FUS: variants seen among roughly 807,000 people sequenced by gnomAD.
FUS encodes the protein FUS RNA binding protein.
Under a neutral mutation model 82.7 loss-of-function variants are expected in FUS, and 5 were observed. The observed-to-expected ratio is 0.06, with a 90% CI of 0.03 to 0.13. The LOEUF is 0.13. Among genes scored for constraint, FUS ranks in the 10% least tolerant of loss-of-function variants. FUS has a pLI of 1.00. For missense variants in FUS, 512 were observed against 707.8 expected, an observed-to-expected ratio of 0.72 and a Z score of 3.14; for synonymous variants, 281 against 247.4, an observed-to-expected ratio of 1.14 and a Z score of -1.27.
chr16:31,194,357 C>T (rs1228503399), downstream of FUS: 13 of 518,476 alleles, frequency 2.5e-5, no homozygotes, highest in Admixed American at 9.0e-5. Flanking sequence ...GGTGTGATCT[C>T]GACCAACTGC....
chr16:31,187,693 T>G (rs908376544), intron 7 of FUS: 1 of 234,008 alleles, frequency 4.3e-6, no homozygotes, highest in African/African-American at 2.2e-5. Context: ...TAAACATTGG[T>G]CAAAGATGGT....
chr16:31,184,088 C>A, intron 4 of FUS, 86 bp downstream of exon 4: 1 of 1,612,162 alleles, frequency 6.2e-7, no homozygotes, highest in South Asian at 1.1e-5. Context: ...AGGAGCAGTT[C>A]AGAGGTGTAA....
At chr16:31,182,195 T>G (rs1386158227) in intron 1 of FUS, 3 of 629,860 alleles carry the variant, frequency 4.8e-6, no homozygotes, top group Non-Finnish European at 8.6e-6. Flanking sequence ...TTCACCATGT[T>G]GGTCAGGCCA....
Position 31,191,445 on chromosome 16 carries a change from T to C in FUS, c.*7T>C, listed in dbSNP as rs2079359046. ...CAGGGAGAGGCCGTATTAATTAGCC[T>C]GGCTCCCCAGGTTCTGGAACAGCTT... On this transcript the variant is annotated 3_prime_UTR_variant, in exon 15 of 15. Coordinates refer to ENST00000254108, the MANE Select transcript of FUS (RefSeq NM_004960.4). 1 of 1,613,376 alleles carries C rather than the reference T, an allele frequency of 6.2e-7. No individual in the cohort carries two copies. Among genetic ancestry groups the C allele is most frequent in the Non-Finnish European group, 8.5e-7 (1 of 1,179,842 alleles).
At chr16:31,184,897 CTT>C (rs2079240147) in intron 5 of FUS, 40 bp from the exon 6 acceptor site, 6 of 1,584,282 alleles carry the variant, frequency 3.8e-6, no homozygotes, top group African/African-American at 1.4e-5. Context: ...ACTTTACAAT[CTT>C]TTTGTTTTTT....
chr16:31,182,217 C>T (rs765794213), intron 1 of FUS, 181 bp from the exon 2 acceptor site: 3 of 704,514 alleles, frequency 4.3e-6, no homozygotes, highest in Non-Finnish European at 7.7e-6. Flanking sequence ...TCTCGAATTC[C>T]TGACCTCAAG....
downstream of FUS, chr16:31,193,667 T>G (rs1357225286): frequency 3.8e-6 from 2 of 531,878 alleles, no homozygotes; most frequent in Admixed American, 2.2e-5. Flanking sequence ...TAGGTCCAGT[T>G]TGGGGGGATC....
chr16:31,194,772 G>A (rs956483751), downstream of FUS: 1 of 482,106 alleles, frequency 2.1e-6, no homozygotes, highest in African/African-American at 2.0e-5. Flanking sequence ...TGAAATTTAT[G>A]TTATTTCAGC....
At position 31,190,393 on chromosome 16, in the gene FUS, T is replaced by G; in HGVS notation, c.1287T>G (p.Pro429=). The G allele has an allele frequency of 6.2e-7, 1 of 1,614,196 alleles. No homozygotes were observed. Among genetic ancestry groups the G allele is most frequent in the East Asian group, 2.2e-5 (1 of 44,888 alleles). ...GQQRAGDWKC[P]NPTCENMNFS... ...AGCGAGCTGGTGACTGGAAGTGTCC[T>G]AATCCGTGAGTGAAACTTAATTTTT... The change falls in exon 12 of 15, where the codon CCT becomes CCG. Residue 429 remains proline (P), a synonymous_variant. Transcript: ENST00000254108.
rs1415220872 is a variant in FUS, at chr16:31,188,346, G to A, written c.821G>A (p.Arg274His). The change falls in exon 8 of 15, where the codon CGT becomes CAT. Residue 274 changes from arginine (R) to histidine (H), a missense_variant. Around this residue, in one of 6 missense-constraint regions of FUS, gnomAD observed 51 missense variants for 72.2 expected, o/e 0.71. Coordinates refer to ENST00000254108, the MANE Select transcript of FUS (RefSeq NM_004960.4). ...AAAGGCCCTCGGGACCAAGGATCAC[G>A]TCATGACTCCGGTGAGTTCACACGT... Reference protein sequence around the residue: ...KFGGPRDQGSRHDSEQDNSDN... With the variant: ...KFGGPRDQGSHHDSEQDNSDN... The A allele has an allele frequency of 2.1e-5, 34 of 1,613,124 alleles. No individual in the cohort carries two copies. The highest frequency in any genetic ancestry group is 6.7e-5 in the Admixed American group (4 of 59,922).
chr16:31,189,636 T>C lies in FUS; in HGVS notation c.937-29T>C, dbSNP rs368342528. On this transcript the variant is annotated intron_variant, in intron 9 of 14. Coordinates refer to ENST00000254108, the MANE Select transcript of FUS (RefSeq NM_004960.4). ...AAAGGGAGTACTGTAGCCTTTAAAA[T>C]TGATGTTACCTCATTTTGCTTTCTT... is the stretch of plus-strand genomic sequence containing the variant. The C allele has an allele frequency of 6.2e-6, 10 of 1,613,910 alleles. 1 individual carries two copies. The highest frequency in any genetic ancestry group is 5.5e-5 in the South Asian group (5 of 91,064).
At position 31,185,063 on chromosome 16, in the gene FUS, C is replaced by CGGCAGGGGT. The variant is rs1567472342; in HGVS notation, c.654_662dup (p.Arg218_Gly220dup). On this transcript the variant is annotated inframe_insertion, in exon 6 of 15. Transcript: ENST00000254108. Reference sequence around the variant, plus strand: ...ATGGACAGCAGGACCGTGGAGGCCGCGGCAGGGGTGGCAGTGGTGGCGGCG... The same window carrying CGGCAGGGGT: ...ATGGACAGCAGGACCGTGGAGGCCGCGGCAGGGGTGGCAGGGGTGGCAGTGGTGGCGGCG... 4 of 1,610,978 alleles carry CGGCAGGGGT rather than the reference C, an allele frequency of 2.5e-6. No individual in the cohort carries two copies. Among genetic ancestry groups the CGGCAGGGGT allele is most frequent in the East Asian group, 4.5e-5 (2 of 44,778 alleles).
Position 31,191,534 on chromosome 16 carries a change from G to GT in FUS, c.*103dup, listed in dbSNP as rs765805820. 56 of 1,328,352 alleles carry GT rather than the reference G, an allele frequency of 4.2e-5. No individual in the cohort carries two copies. The highest frequency in any genetic ancestry group is 5.3e-5 in the Non-Finnish European group (49 of 925,104). 82.3% of individuals were successfully genotyped at this position (1,328,352 alleles called of 1,614,324 possible). A position where few individuals can be genotyped will look rare whatever the true frequency, so the allele number is the denominator to read the frequency against. Reference sequence around the variant, plus strand: ...CCTTCCAATTCCTGATCACCCAAGGGTTTTTTTGTGTCGGACTATGTAATT... The same window carrying GT: ...CCTTCCAATTCCTGATCACCCAAGGGTTTTTTTTGTGTCGGACTATGTAATT... On this transcript the variant is annotated 3_prime_UTR_variant, in exon 15 of 15. Transcript: ENST00000254108.
intron 3 of FUS, 77 bp from the exon 4 acceptor site, chr16:31,183,781 T>C: frequency 6.4e-7 from 1 of 1,563,778 alleles, no homozygotes; most frequent in Non-Finnish European, 8.8e-7. Flanking sequence ...GTATAGGTAT[T>C]ATGTTTTCTT....
downstream of FUS, chr16:31,194,003 A>G (rs1216993354): frequency 3.8e-6 from 2 of 532,670 alleles, no homozygotes; most frequent in South Asian, 1.5e-5. Context: ...TAGGTGTCCC[A>G]TTTTTGTGAG....
chr16:31,186,968 G>T, intron 7 of FUS, 132 bp downstream of exon 7: 1 of 883,150 alleles, frequency 1.1e-6, no homozygotes, highest in East Asian at 2.5e-5. Context: ...CCAGAAAGGG[G>T]TAGGGTAGAA....
At chr16:31,185,657 A>G in intron 6 of FUS, 2 of 471,880 alleles carry the variant, frequency 4.2e-6, no homozygotes, top group Non-Finnish European at 4.2e-6. Flanking sequence ...AGTCATTTGA[A>G]TCCACGAGCT....
downstream of FUS, chr16:31,193,534 G>A: frequency 3.8e-6 from 2 of 529,492 alleles, no homozygotes; most frequent in South Asian, 1.5e-5. Flanking sequence ...GGAGGAGGTC[G>A]AAGCTCCTTG....
chr16:31,192,589 C>T (rs2079376346), downstream of FUS: 1 of 492,072 alleles, frequency 2.0e-6, no homozygotes, highest in Admixed American at 2.3e-5. Context: ...GAGACAGAGT[C>T]TTGCTCTGTC....
Sources: gnomAD v4.1 joint callset for allele counts on GRCh38, gnomAD v4.1.1 for gene constraint, gnomAD v4.1.1 regional missense constraint, MANE v1.5 for transcripts, NCBI Gene and HGNC (gene_info 2026-07-23, HGNC 2026-07-21) for gene names.